The following CFAP54 variants were observed in gnomAD, a reference collection of about 807,000 sequenced individuals.
CFAP54 encodes the protein cilia- and flagella-associated protein 54.
A neutral mutation model predicts 370.4 loss-of-function variants in CFAP54; 290 were observed. The observed-to-expected ratio is 0.78, with a 90% CI of 0.71 to 0.86. The LOEUF (loss-of-function observed/expected upper bound fraction) is 0.86. Ranked by LOEUF, CFAP54 falls within the 40% of genes least tolerant of loss-of-function variation. The pLI, the probability that CFAP54 is intolerant of heterozygous loss-of-function variation, is 0.00. For synonymous variants in CFAP54, 1,206 were observed against 1,236.5 expected (o/e 0.98, Z 0.52); for missense variants, 3,399 against 3,528.7 (o/e 0.96, Z 0.93).
intron 26 of CFAP54, 132 bp from the exon 27 acceptor site, chr12:96,621,458 T>A: frequency 1.7e-6 from 1 of 575,938 alleles, no homozygotes. Context: ...ACTTACGGTT[T>A]TTTTTAAAAT....
intron 49 of CFAP54, 27 bp downstream of exon 49, chr12:96,718,549 T>G: frequency 2.9e-6 from 4 of 1,383,936 alleles, no homozygotes; most frequent in Non-Finnish European, 4.1e-6. Context: ...TTTCAAACCA[T>G]TAAGTTAGTT....
At chr12:96,553,876 G>A (rs1398277917) in intron 15 of CFAP54, among the ~76,000 whole-genome samples, 2 of 151,956 alleles carry the variant, frequency 1.3e-5, no homozygotes, top group Non-Finnish European at 2.9e-5. Flanking sequence ...AAATGTACCA[G>A]TACATTTAGT....
chr12:96,753,313 G>A (rs1348801902), intron 55 of CFAP54, among the ~76,000 whole-genome samples: 1 of 152,074 alleles, frequency 6.6e-6, no homozygotes. Context: ...AACACACAAA[G>A]CAAGTAACCA....
chr12:96,795,637 C>A (rs1958753714), intron 63 of CFAP54, among the ~76,000 whole-genome samples: 1 of 152,038 alleles, frequency 6.6e-6, no homozygotes, highest in Non-Finnish European at 1.5e-5. Context: ...CCGTGCCCTC[C>A]CAATGTCAGT....
chr12:96,627,378 C>T (rs1956559200), intron 30 of CFAP54, among the ~76,000 whole-genome samples: 1 of 152,176 alleles, frequency 6.6e-6, no homozygotes, highest in South Asian at 2.1e-4. Flanking sequence ...AACCTTAAAG[C>T]TGCCCCTCTT....
At chr12:96,794,573 T>G (rs1019536518) in intron 63 of CFAP54, among the ~76,000 whole-genome samples, 1 of 152,178 alleles carries the variant, frequency 6.6e-6, no homozygotes, top group Non-Finnish European at 1.5e-5. Context: ...AGTGTGTCCT[T>G]CATTTCCAGG....
chr12:96,645,840 A>G (rs1296004379), intron 33 of CFAP54: 6 of 152,304 alleles, frequency 3.9e-5, no homozygotes, highest in South Asian at 2.1e-4. Context: ...ACAAAAACAA[A>G]AAATGGGGAA....
intron 42 of CFAP54, among the ~76,000 whole-genome samples, chr12:96,687,491 C>T (rs1957341824): frequency 6.6e-6 from 1 of 152,112 alleles, no homozygotes. Flanking sequence ...TTCATCTCTC[C>T]AGTTACAGTT....
intron 10 of CFAP54, 28 bp from the exon 11 acceptor site, chr12:96,534,034 A>G: frequency 2.7e-6 from 4 of 1,502,764 alleles, no homozygotes; most frequent in East Asian, 2.5e-5. Context: ...CCAATTACTA[A>G]TTAACGTGTG....
chr12:96,833,306 A>G (rs1334424684), intron 66 of CFAP54, among the ~76,000 whole-genome samples: 2 of 152,214 alleles, frequency 1.3e-5, no homozygotes, highest in Admixed American at 6.5e-5. Flanking sequence ...GTGACTGACC[A>G]TGGAATGGGC....
intron 39 of CFAP54, among the ~76,000 whole-genome samples, chr12:96,677,556 A>G (rs139552795): frequency 4.4e-4 from 67 of 152,264 alleles, no homozygotes; most frequent in Non-Finnish European, 8.5e-4. Context: ...GCCTGGGACC[A>G]TGCAAGACTG....
At chr12:96,641,849 G>C (rs991304783) in intron 32 of CFAP54, among the ~76,000 whole-genome samples, 2 of 148,760 alleles carry the variant, frequency 1.3e-5, no homozygotes, top group East Asian at 4.0e-4. Context: ...AACATCGCAT[G>C]TTCTCACGCA....
At chr12:96,765,056 T>C in intron 59 of CFAP54, 21 bp from the exon 60 acceptor site, 2 of 1,389,206 alleles carry the variant, frequency 1.4e-6, no homozygotes. Context: ...TTTATAATTC[T>C]AATTTATGCA....
rs192049110 is a variant in CFAP54 at position 96,515,483 on chromosome 12, A to T, written c.798+2439A>T. 1.2e-4 allele frequency among the ~76,000 whole-genome samples: 19 copies of T among 152,304 alleles called. No homozygotes were observed. In the East Asian group the frequency reaches 3.7e-3, roughly 29 times the overall value. Reference sequence around the variant, plus strand: ...TTTCACCAGTAATTCCCAAACCTCCAGTTGGTAAATTGATTCCTGAGCTGA... The same window carrying T: ...TTTCACCAGTAATTCCCAAACCTCCTGTTGGTAAATTGATTCCTGAGCTGA... On this transcript the variant is annotated intron_variant, in intron 5 of 67. Transcript: ENST00000524981.
At chr12:96,572,735 TA>T in intron 19 of CFAP54, 1 of 392,112 alleles carries the variant, frequency 2.6e-6, no homozygotes, top group Non-Finnish European at 3.5e-6. Context: ...TTGGTGTTTG[TA>T]AATAATACAG....
At position 96,780,649 on chromosome 12, in the gene CFAP54, A is replaced by C. The variant is rs979991595; in HGVS notation, c.8282-4068A>C. On this transcript the variant is annotated intron_variant, in intron 60 of 67. Coordinates refer to ENST00000524981, the MANE Select transcript of CFAP54 (RefSeq NM_001306084.2). The stretch of plus-strand genomic sequence containing the variant: ...TGCAGGATTGAACAGCGATCAGTTC[A>C]AGTTGAAAAGGCCTATTGTGTTCCA... 5.3e-5 allele frequency among the ~76,000 whole-genome samples: 8 copies of C among 152,340 alleles called. 1 individual carries two copies. In the East Asian group the frequency reaches 5.8e-4, roughly 11 times the overall value.
chr12:96,549,978 G>A lies in CFAP54; in HGVS notation c.2154+2000G>A, dbSNP rs577238028. On this transcript the variant is annotated intron_variant, in intron 15 of 67. Transcript: ENST00000524981. ...ATATGCATGCTACTATTTAAAAAAT[G>A]TATGAGACACTATTGTGATTAAATG... is the stretch of plus-strand genomic sequence containing the variant. Among the ~76,000 whole-genome samples, 34 of 152,284 alleles carry A rather than the reference G, an allele frequency of 2.2e-4. 1 individual carries two copies. In the South Asian group the frequency reaches 6.6e-3, roughly 30 times the overall value.
At chr12:96,783,579 A>C (rs1401759372) in intron 60 of CFAP54, among the ~76,000 whole-genome samples, 1 of 152,220 alleles carries the variant, frequency 6.6e-6, no homozygotes, top group Non-Finnish European at 1.5e-5. Flanking sequence ...TTACTCTTAT[A>C]ATGCCCATTT....
chr12:96,685,194 C>T lies in CFAP54; in HGVS notation c.5970C>T (p.Ile1990=). ...AGGAGTTTCTGTCAAGAGTTGGCAT[C>T]TGGGGGTGTTTGCAAGGAGCAGTCA... The part of the protein sequence containing the change: ...YSEEFLSRVG[I]WGCLQGAVIS... Residue 1990 remains isoleucine, a synonymous_variant, in exon 42 of 68, where the codon ATC becomes ATT. Coordinates refer to ENST00000524981, the MANE Select transcript of CFAP54 (RefSeq NM_001306084.2). The T allele has an allele frequency of 6.2e-7, 1 of 1,614,126 alleles. No homozygotes were observed. Among genetic ancestry groups the T allele is most frequent in the Non-Finnish European group, 8.5e-7 (1 of 1,180,016 alleles).
Sources: allele counts gnomAD v4.1 joint callset (sites outside exome capture counted in the v4.1 genomes callset), GRCh38; gene constraint gnomAD v4.1.1; transcripts MANE v1.5; gene names NCBI Gene and HGNC (gene_info 2026-07-23, HGNC 2026-07-21).